LRRTM4: variants seen among roughly 807,000 people sequenced by gnomAD.
The protein encoded by LRRTM4 is leucine-rich repeat transmembrane neuronal protein 4.
LRRTM4 carries 25 observed loss-of-function variants against 47.6 expected under a neutral mutation model. The observed-to-expected ratio is 0.53, with a 90% confidence interval of 0.38 to 0.73. LRRTM4 has a LOEUF of 0.73. LRRTM4 is among the 30% of genes least tolerant of loss of function. The pLI is 0.00. For missense variants in LRRTM4, 638 were observed against 713.4 expected (o/e 0.89, Z 1.20); for synonymous variants, 311 against 269.5 (o/e 1.15, Z -1.51).
At chr2:77,349,648 A>G (rs551498887) in intron 3 of LRRTM4, among the ~76,000 whole-genome samples, 3 of 152,268 alleles carry the variant, frequency 2.0e-5, no homozygotes, top group Non-Finnish European at 4.4e-5. Context: ...AAGGAAAATG[A>G]GTACATATGT....
At chr2:77,254,121 A>G (rs1675698379) in intron 3 of LRRTM4, among the ~76,000 whole-genome samples, 1 of 152,146 alleles carries the variant, frequency 6.6e-6, no homozygotes, top group South Asian at 2.1e-4. Context: ...AGATAAAGTA[A>G]GCATCTGAAA....
chr2:77,110,548 C>A (rs544879373), intron 3 of LRRTM4, among the ~76,000 whole-genome samples: 170 of 152,200 alleles, frequency 1.1e-3, no homozygotes, highest in Non-Finnish European at 1.9e-3. Flanking sequence ...AAGAATTTCT[C>A]ATCTATATAT....
intron 3 of LRRTM4, among the ~76,000 whole-genome samples, chr2:77,479,259 C>G (rs1423513954): frequency 1.3e-5 from 2 of 152,004 alleles, no homozygotes; most frequent in Non-Finnish European, 2.9e-5. Flanking sequence ...CTTTCTTGAC[C>G]TTTTCATTAG....
Position 77,089,966 on chromosome 2 carries a change from T to C in LRRTM4, c.1552-341050A>G, listed in dbSNP as rs369796705. Among the ~76,000 whole-genome samples the C allele has an allele frequency of 5.0e-3, 758 of 151,908 alleles. 1 individual carries two copies. The highest frequency in any genetic ancestry group is 0.016 in the African/African-American group (656 of 41,366). On this transcript the variant is annotated intron_variant, in intron 3 of 3. Transcript: ENST00000409884. ...CCAAATCTTCCTTCTTTCCCTCCCA[T>C]CTGTCCCCTCAGTACTAACCCCAAG...
intron 3 of LRRTM4, among the ~76,000 whole-genome samples, chr2:77,348,805 C>A (rs1007942159): frequency 7.2e-6 from 1 of 139,248 alleles, no homozygotes. Flanking sequence ...TATATATATT[C>A]AAGCAGAACT....
chr2:76,868,722 G>A (rs551404892), intron 3 of LRRTM4, among the ~76,000 whole-genome samples: 2 of 152,206 alleles, frequency 1.3e-5, no homozygotes, highest in Non-Finnish European at 2.9e-5. Flanking sequence ...GAGGAAGCCT[G>A]GTCCCTTAAA....
At chr2:76,813,905 A>AATT (rs3055932) in intron 3 of LRRTM4, among the ~76,000 whole-genome samples, 68,520 of 151,748 alleles carry the variant, frequency 0.45, 16,518 homozygotes, top group East Asian at 0.73. Context: ...CCAATTTGGC[A>AATT]ATTATTAAGT....
At chr2:77,288,610 T>C (rs1305995172) in intron 3 of LRRTM4, among the ~76,000 whole-genome samples, 2 of 152,100 alleles carry the variant, frequency 1.3e-5, no homozygotes, top group Non-Finnish European at 2.9e-5. Flanking sequence ...TCTATAAAGA[T>C]ATAATTCATA....
In LRRTM4 at chr2:76,929,925, T is replaced by TTGTGTG. The variant is rs3055992; in HGVS notation, c.1552-181015_1552-181010dup. Among the ~76,000 whole-genome samples, 637 of 149,306 alleles carry TTGTGTG rather than the reference T, an allele frequency of 4.3e-3. 1 individual carries two copies. The highest frequency in any genetic ancestry group is 0.012 in the African/African-American group (501 of 40,646). Reference sequence around the variant, plus strand: ...AAAATGTGATAATTGCAATTAGAGTTTGTGTGTGTGTGTGTGTGTGTGTGT... The same window carrying TTGTGTG: ...AAAATGTGATAATTGCAATTAGAGTTTGTGTGTGTGTGTGTGTGTGTGTGTGTGTGT... On this transcript the variant is annotated intron_variant, in intron 3 of 3. Transcript: ENST00000409884.
At chr2:77,341,128 C>T (rs1286101851) in intron 3 of LRRTM4, among the ~76,000 whole-genome samples, 2 of 151,902 alleles carry the variant, frequency 1.3e-5, no homozygotes, top group Non-Finnish European at 2.9e-5. Context: ...TAACATGAGT[C>T]ACTCACTCTG....
intron 3 of LRRTM4, among the ~76,000 whole-genome samples, chr2:76,825,529 C>T (rs1014356271): frequency 6.6e-5 from 10 of 151,400 alleles, no homozygotes; most frequent in Non-Finnish European, 1.3e-4. Flanking sequence ...AAAGCAGATG[C>T]GGAAGTGAGG....
rs367577237 is a variant in LRRTM4, at chr2:76,775,758, A to G, written c.1552-26842T>C. Among the ~76,000 whole-genome samples, 11 of 151,540 alleles carry G rather than the reference A, an allele frequency of 7.3e-5. No homozygotes were observed. In the East Asian group the frequency reaches 1.6e-3, roughly 21 times the overall value. On this transcript the variant is annotated intron_variant, in intron 3 of 3. Coordinates refer to ENST00000409884, the MANE Select transcript of LRRTM4 (RefSeq NM_001134745.3). ...GCTCATTTCTCTCTCTTTTTTTTAA[A>G]TTTATTTTTTTATTATACTTTAAGT... is the stretch of plus-strand genomic sequence containing the variant.
chr2:76,807,953 C>CTT lies in LRRTM4; in HGVS notation c.1552-59039_1552-59038dup, dbSNP rs1180163341. Among the ~76,000 whole-genome samples, 1,242 of 138,778 alleles carry CTT rather than the reference C, an allele frequency of 8.9e-3. 22 individuals are homozygous for CTT. The highest frequency in any genetic ancestry group is 0.031 in the African/African-American group (1,180 of 37,738). 91.0% of individuals were successfully genotyped at this position (138,778 alleles called of 152,430 possible). ...CTTTCCTTTCTTTCTTTCTTTCTTT[C>CTT]TTTTTCTTTTTCTTTCCTTCCTTCC... is the stretch of plus-strand genomic sequence containing the variant. On this transcript the variant is annotated intron_variant, in intron 3 of 3. Coordinates refer to ENST00000409884, the MANE Select transcript of LRRTM4 (RefSeq NM_001134745.3).
intron 3 of LRRTM4, among the ~76,000 whole-genome samples, chr2:77,257,500 C>A (rs946762534): frequency 6.6e-6 from 1 of 152,012 alleles, no homozygotes; most frequent in Non-Finnish European, 1.5e-5. Flanking sequence ...GCAGGCAGAG[C>A]ACTTTTTTGC....
intron 3 of LRRTM4, among the ~76,000 whole-genome samples, chr2:77,307,828 T>C (rs1677328828): frequency 1.8e-5 from 1 of 54,836 alleles, no homozygotes; most frequent in Non-Finnish European, 2.5e-5. Context: ...TATATCTATA[T>C]ATTATAGAAA....
chr2:76,907,415 A>G (rs1485040904), intron 3 of LRRTM4, among the ~76,000 whole-genome samples: 1 of 150,598 alleles, frequency 6.6e-6, no homozygotes, highest in Non-Finnish European at 1.5e-5. Flanking sequence ...TGACACCCTA[A>G]CATCACAATT....
At chr2:76,812,787 T>TCCCTCCCCCTCTTCCTCCTCCTCA (rs1670782418) in intron 3 of LRRTM4, among the ~76,000 whole-genome samples, 1 of 69,518 alleles carries the variant, frequency 1.4e-5, no homozygotes, top group African/African-American at 5.5e-5. Context: ...CCTCCTCCTC[T>TCCCTCCCCCTCTTCCTCCTCCTCA]CCCTCCCCCC....
chr2:77,142,236 T>C (rs1672143325), intron 3 of LRRTM4, among the ~76,000 whole-genome samples: 1 of 152,160 alleles, frequency 6.6e-6, no homozygotes, highest in Admixed American at 6.5e-5. Context: ...ATCAAATTGT[T>C]TTTCACCTTG....
intron 3 of LRRTM4, among the ~76,000 whole-genome samples, chr2:77,456,857 A>C (rs1053444955): frequency 3.3e-5 from 5 of 150,342 alleles, no homozygotes; most frequent in African/African-American, 1.2e-4. Context: ...ACCATCCTTC[A>C]TTTTCCCTCA....
Sources: allele counts gnomAD v4.1 joint callset (sites outside exome capture counted in the v4.1 genomes callset), GRCh38; gene constraint gnomAD v4.1.1; transcripts MANE v1.5; gene names NCBI Gene and HGNC (gene_info 2026-07-23, HGNC 2026-07-21).